Variants in TAFA2 observed in about 807,000 individuals in gnomAD.
TAFA2 encodes the protein chemokine-like protein TAFA-2.
In TAFA2, 7 loss-of-function variants were observed where a neutral mutation model predicts 18.8. The observed-to-expected ratio is 0.37, with a 90% CI of 0.21 to 0.70. The LOEUF (loss-of-function observed/expected upper bound fraction) is 0.70, where lower values mean the gene tolerates loss of function less well. Among genes scored for constraint, TAFA2 ranks in the 30% least tolerant of loss-of-function variants. TAFA2 has a pLI of 0.53. For missense variants in TAFA2, 122 were observed against 158.1 expected, an observed-to-expected ratio of 0.77 and a Z score of 1.23; for synonymous variants, 60 against 54.2, an observed-to-expected ratio of 1.11 and a Z score of -0.47.
chr12:62,051,702 C>A (rs1027098888), intron 1 of TAFA2, among the ~76,000 whole-genome samples: 46 of 151,794 alleles, frequency 3.0e-4, no homozygotes, highest in African/African-American at 1.1e-3. Context: ...TGTCACCTGT[C>A]CATGAGGAGA....
In TAFA2 at chr12:62,119,631, C is replaced by T. The variant is rs529726454; in HGVS notation, c.-2+71628G>A. ...TTTTGAACGCTGCTTTAAATGAAACCGAATTAACCTGTACCTTATAGATAA... is the reference window on the plus strand; with the variant it reads ...TTTTGAACGCTGCTTTAAATGAAACTGAATTAACCTGTACCTTATAGATAA... On this transcript the variant is annotated intron_variant, in intron 1 of 4. Transcript: ENST00000416284. 3.1e-4 allele frequency among the ~76,000 whole-genome samples: 47 copies of T among 152,182 alleles called. 2 individuals carry two copies. The highest frequency in any genetic ancestry group is 1.7e-3 in the South Asian group (8 of 4,820).
intron 2 of TAFA2, among the ~76,000 whole-genome samples, chr12:61,788,765 A>G (rs1024212800): frequency 1.3e-5 from 2 of 151,808 alleles, no homozygotes; most frequent in South Asian, 4.1e-4. Flanking sequence ...GAACAATTAC[A>G]TGCCAACAAA....
chr12:61,869,130 G>T (rs969823168), intron 1 of TAFA2, among the ~76,000 whole-genome samples: 19 of 152,160 alleles, frequency 1.2e-4, no homozygotes, highest in African/African-American at 4.6e-4. Context: ...AGCACCAACA[G>T]CTGTAAACTC....
At chr12:62,206,413 T>G (rs1353730901) in intron 1 of TAFA2, among the ~76,000 whole-genome samples, 1 of 152,240 alleles carries the variant, frequency 6.6e-6, no homozygotes, top group Non-Finnish European at 1.5e-5. Context: ...AGTACAAATT[T>G]TCCAAGATTT....
At chr12:62,004,380 A>C (rs1267654838) in intron 1 of TAFA2, among the ~76,000 whole-genome samples, 1 of 152,100 alleles carries the variant, frequency 6.6e-6, no homozygotes, top group Non-Finnish European at 1.5e-5. Flanking sequence ...ATTCTTTTCA[A>C]CTCATTTAAA....
At chr12:61,806,940 G>T in intron 2 of TAFA2, among the ~76,000 whole-genome samples, 1 of 152,148 alleles carries the variant, frequency 6.6e-6, no homozygotes, top group East Asian at 1.9e-4. Context: ...TATAAGGGAA[G>T]CAGAGCATAA....
intron 1 of TAFA2, among the ~76,000 whole-genome samples, chr12:61,949,244 C>A (rs1367429279): frequency 6.6e-6 from 1 of 152,256 alleles, no homozygotes; most frequent in African/African-American, 2.4e-5. Context: ...ACTGTGTGAG[C>A]TGGAACATCA....
intron 1 of TAFA2, among the ~76,000 whole-genome samples, chr12:62,142,183 G>A (rs1565758263): frequency 6.6e-6 from 1 of 152,162 alleles, no homozygotes; most frequent in African/African-American, 2.4e-5. Context: ...TAACCTATCT[G>A]AGACAGTTTT....
intron 1 of TAFA2, among the ~76,000 whole-genome samples, chr12:62,111,050 C>T (rs12307743): frequency 0.15 from 22,889 of 151,906 alleles, 1,827 homozygotes; most frequent in East Asian, 0.31. Context: ...TTTTCTCTTG[C>T]TTCTCTAGTT....
At chr12:62,030,886 C>G (rs1036912046) in intron 1 of TAFA2, among the ~76,000 whole-genome samples, 1 of 152,014 alleles carries the variant, frequency 6.6e-6, no homozygotes, top group African/African-American at 2.4e-5. Flanking sequence ...GTAGGAGTAA[C>G]GGGTTTCTGG....
intron 1 of TAFA2, among the ~76,000 whole-genome samples, chr12:62,237,648 C>T (rs528859784): frequency 1.3e-5 from 2 of 152,312 alleles, no homozygotes; most frequent in South Asian, 4.1e-4. Flanking sequence ...CTAGTCTTTG[C>T]TATCTGGCTT....
intron 1 of TAFA2, among the ~76,000 whole-genome samples, chr12:62,170,771 C>T (rs1314656429): frequency 6.6e-6 from 1 of 152,158 alleles, no homozygotes; most frequent in Non-Finnish European, 1.5e-5. Flanking sequence ...AAATCCCTTA[C>T]CTCCTTCCCA....
At chr12:61,785,524 C>A (rs967466198) in intron 2 of TAFA2, among the ~76,000 whole-genome samples, 1 of 151,372 alleles carries the variant, frequency 6.6e-6, no homozygotes, top group Non-Finnish European at 1.5e-5. Flanking sequence ...TCCATGGAAG[C>A]AATGGCCAGA....
chr12:61,916,161 C>A (rs1424954770), intron 1 of TAFA2, among the ~76,000 whole-genome samples: 2 of 152,232 alleles, frequency 1.3e-5, no homozygotes, highest in Admixed American at 1.3e-4. Context: ...TGTCTGTGTA[C>A]CTCTTGAAAT....
At chr12:62,208,478 T>TA (rs10612004) in intron 1 of TAFA2, among the ~76,000 whole-genome samples, 104 of 151,034 alleles carry the variant, frequency 6.9e-4, no homozygotes, top group African/African-American at 1.3e-3. Context: ...CACTTCTAGT[T>TA]AAAAAAAAAA....
intron 1 of TAFA2, among the ~76,000 whole-genome samples, chr12:62,043,986 C>T (rs1032273500): frequency 1.3e-5 from 2 of 152,018 alleles, no homozygotes; most frequent in Non-Finnish European, 2.9e-5. Flanking sequence ...AATATAATCC[C>T]CTTCAATTCA....
intron 2 of TAFA2, among the ~76,000 whole-genome samples, chr12:61,762,664 G>A (rs1243010846): frequency 6.9e-6 from 1 of 144,550 alleles, no homozygotes; most frequent in East Asian, 2.1e-4. Context: ...TACACATACA[G>A]TTAATTGTGT....
rs11615847 is a variant in TAFA2 at position 62,010,936 on chromosome 12, A to G, written c.-1-143510T>C. Among the ~76,000 whole-genome samples, 252 of 81,490 alleles carry G rather than the reference A, an allele frequency of 3.1e-3. 1 individual carries two copies. Among genetic ancestry groups the G allele is most frequent in the Middle Eastern group, 0.01 (1 of 98 alleles). 53.5% of individuals were successfully genotyped at this position (81,490 alleles called of 152,430 possible). A position where few individuals can be genotyped will look rare whatever the true frequency, so the allele number is the denominator to read the frequency against. On this transcript the variant is annotated intron_variant, in intron 1 of 4. Transcript: ENST00000416284. ...GCCGCCCTTCGTCTGGGAGGTGGGG[A>G]GCGCCTCTGCCCGGCCGCCCTTCGT...
chr12:61,779,432 C>G (rs1870410270), intron 2 of TAFA2, among the ~76,000 whole-genome samples: 1 of 151,774 alleles, frequency 6.6e-6, no homozygotes, highest in Non-Finnish European at 1.5e-5. Flanking sequence ...AGTAAAAGGG[C>G]ATGCTATTAA....
Sources: allele counts gnomAD v4.1 joint callset (sites outside exome capture counted in the v4.1 genomes callset), GRCh38; gene constraint gnomAD v4.1.1; transcripts MANE v1.5; gene names NCBI Gene and HGNC (gene_info 2026-07-23, HGNC 2026-07-21).